The following ARHGAP9 variants were observed in gnomAD, a reference collection of about 807,000 sequenced individuals.
ARHGAP9 encodes the protein Rho GTPase activating protein 9.
In ARHGAP9, 76 loss-of-function variants were observed where a neutral mutation model predicts 87.3. That is an observed-to-expected ratio of 0.87 (90% CI 0.72 to 1.05). ARHGAP9 has a LOEUF of 1.05. ARHGAP9 is among the 50% of genes least tolerant of loss of function. ARHGAP9 has a pLI of 0.00. For missense variants in ARHGAP9, 941 were observed against 960.5 expected (o/e 0.98, Z 0.27); for synonymous variants, 382 against 394.9 (o/e 0.97, Z 0.39).
rs775297396 is a variant in ARHGAP9, at chr12:57,476,369, C to T, written c.1111G>A (p.Gly371Ser). The change falls in exon 8 of 18, where the codon GGC (glycine) becomes AGC (serine). Residue 371 changes from glycine (G) to serine (S), a missense_variant. Transcript: ENST00000393791. Reference protein sequence around the residue: ...REPPPTAPSSGWGPAGSRPES... With the variant: ...REPPPTAPSSSWGPAGSRPES... ...CGCCTCTCGCTCACACTCACCCAGCCTGAGGAGGGCGCTGTCGGCGGTGGC... is the reference window on the plus strand; with the variant it reads ...CGCCTCTCGCTCACACTCACCCAGCTTGAGGAGGGCGCTGTCGGCGGTGGC... The T allele has an allele frequency of 6.2e-7, 1 of 1,613,912 alleles. No homozygotes were observed. The highest frequency in any genetic ancestry group is 1.1e-5 in the South Asian group (1 of 91,080).
At position 57,475,936 on chromosome 12, in the gene ARHGAP9, G is replaced by C. The variant is rs759180937; in HGVS notation, c.1213-5C>G. The C allele has an allele frequency of 1.2e-6, 2 of 1,611,368 alleles. No individual in the cohort carries two copies. The highest frequency in any genetic ancestry group is 1.1e-5 in the South Asian group (1 of 90,848). On this transcript the variant is annotated splice_region_variant and splice_polypyrimidine_tract_variant and intron_variant, in intron 9 of 17. Transcript: ENST00000393791. ...GTGGCCAGGGATCGTGCGGATCTGA[G>C]GGCCAGGCAAGGAAACGCTCGGGTC...
rs1874694779 is a variant in ARHGAP9 at position 57,479,191 on chromosome 12, G to C, written c.216C>G (p.Thr72=). 6.2e-7 allele frequency: 1 copy of C among 1,614,218 alleles called. No homozygotes were observed. Among genetic ancestry groups the C allele is most frequent in the Non-Finnish European group, 8.5e-7 (1 of 1,180,040 alleles). Residue 72 remains threonine, a synonymous_variant, in exon 2 of 18, where the codon ACC becomes ACG. Transcript: ENST00000393791. ...WLARRLEAPS[T]SRPIFVPAAY... is the part of the protein sequence containing the mutation. ...CTGCTGGGACGAAGATGGGTCGAGA[G>C]GTGGAGGGAGCTTCTAGGCGTCTTG...
intron 14 of ARHGAP9, 43 bp downstream of exon 14, chr12:57,474,583 C>T: frequency 6.2e-7 from 1 of 1,613,706 alleles, no homozygotes; most frequent in Non-Finnish European, 8.5e-7. Flanking sequence ...GGTTCTCAGG[C>T]AAGACATTCT....
rs775383785 is a variant in ARHGAP9, at chr12:57,472,657, T to C, written c.2056A>G (p.Thr686Ala). The change falls in exon 18 of 18, where the codon ACA (threonine) becomes GCA (alanine). Residue 686 changes from threonine to alanine, a missense_variant. By Grantham distance (58) the Thr-to-Ala change is moderately conservative (BLOSUM62 0). Transcript: ENST00000393791. ...AACACAATTCCCAGGTTGTGGGGTG[T>C]CATGCGATTCTTATCTGAGTGTGCT... ...VIAHSDKNRM[T>A]PHNLGIVFGP... 1 of 1,614,194 alleles carries C rather than the reference T, an allele frequency of 6.2e-7. No individual in the cohort carries two copies. Among genetic ancestry groups the C allele is most frequent in the Admixed American group, 1.7e-5 (1 of 60,026 alleles).
At position 57,479,511 on chromosome 12, in the gene ARHGAP9, G is replaced by T. The variant is rs960120442; in HGVS notation, c.-18-87C>A. ...CAGACATGGTTCTAGGAGCAGTGTT[G>T]CAGGGAGGTGAGGACGGGAGCCCTT... On this transcript the variant is annotated intron_variant, in intron 1 of 17. Transcript: ENST00000393791. 4.6e-6 allele frequency: 7 copies of T among 1,508,352 alleles called. No homozygotes were observed. The East Asian group carries it at 7.2e-5, about 16-fold the overall frequency. The allele number at this position is 1,508,352 out of a possible 1,614,324, so 93.4% of individuals were successfully genotyped here.
At chr12:57,472,744 A>G in intron 17 of ARHGAP9, 56 bp from the exon 18 acceptor site, 1 of 1,573,724 alleles carries the variant, frequency 6.4e-7, no homozygotes, top group Non-Finnish European at 8.7e-7. Context: ...ACTTCATAGC[A>G]ATCTAACTAA....
chr12:57,477,129 G>A (rs373680821), intron 5 of ARHGAP9, 27 bp downstream of exon 5: 20 of 1,609,686 alleles, frequency 1.2e-5, no homozygotes, highest in African/African-American at 4.0e-5. Flanking sequence ...TTTTCTGCAT[G>A]TGACTGGGAG....
chr12:57,478,298 C>T (rs887692493), intron 3 of ARHGAP9: 25 of 516,906 alleles, frequency 4.8e-5, no homozygotes, highest in African/African-American at 1.7e-4. Context: ...GTTTGCCTCT[C>T]GGCTGCCTCT....
In ARHGAP9 at chr12:57,477,485, G is replaced by A. The variant is rs1451254009; in HGVS notation, c.730C>T (p.Pro244Ser). ...GTCTCGCTGCGACTGCGGCGCGGGG[G>A]CTTCCAGGACTTGCAGCCAGTCAGT... is the stretch of plus-strand genomic sequence containing the variant. ...NSLTGCKSWKPPRRSRSETNP... is the reference protein window; with the variant it reads ...NSLTGCKSWKSPRRSRSETNP... Residue 244 changes from proline (P) to serine (S), a missense_variant, in exon 4 of 18, where the codon CCC becomes TCC. Coordinates refer to ENST00000393791, the MANE Select transcript of ARHGAP9 (RefSeq NM_032496.4). 6.2e-7 allele frequency: 1 copy of A among 1,614,102 alleles called. No individual in the cohort carries two copies. The highest frequency in any genetic ancestry group is 1.7e-5 in the Admixed American group (1 of 60,004).
upstream of ARHGAP9, chr12:57,479,877 ATG>A: frequency 1.4e-6 from 2 of 1,462,528 alleles, no homozygotes; most frequent in Non-Finnish European, 9.0e-7. Context: ...AAAGACAAAA[ATG>A]TGTGTTATTC....
Position 57,472,422 on chromosome 12 carries a change from T to A in ARHGAP9, c.*95A>T. 1 of 1,406,158 alleles carries A rather than the reference T, an allele frequency of 7.1e-7. No homozygotes were observed. Among genetic ancestry groups the A allele is most frequent in the Non-Finnish European group, 9.5e-7 (1 of 1,051,632 alleles). The allele number at this position is 1,406,158 out of a possible 1,614,324, so 87.1% of individuals were successfully genotyped here. A position where few individuals can be genotyped will look rare whatever the true frequency, so the allele number is the denominator to read the frequency against. ...ACACTCATGAAGATAGAGACAGTCA[T>A]TTGGGAGATTTAAAGGGATATCCTC... On this transcript the variant is annotated 3_prime_UTR_variant, in exon 18 of 18. Transcript: ENST00000393791.
At position 57,477,273 on chromosome 12, in the gene ARHGAP9, G is replaced by T; in HGVS notation, c.757-4C>A. On this transcript the variant is annotated splice_region_variant and splice_polypyrimidine_tract_variant and intron_variant, in intron 4 of 17. Coordinates refer to ENST00000393791, the MANE Select transcript of ARHGAP9 (RefSeq NM_032496.4). ...TCCCCTCCATGGAGCCAGGGTTCTGGGTTAGGGGAGGAGGAAATAAAGCTA... is the reference window on the plus strand; with the variant it reads ...TCCCCTCCATGGAGCCAGGGTTCTGTGTTAGGGGAGGAGGAAATAAAGCTA... The T allele has an allele frequency of 1.3e-6, 2 of 1,555,038 alleles. No homozygotes were observed. Among genetic ancestry groups the T allele is most frequent in the Non-Finnish European group, 1.7e-6 (2 of 1,150,946 alleles).
intron 1 of ARHGAP9, among the ~76,000 whole-genome samples, chr12:57,486,274 AT>A (rs560380333): frequency 8.8e-4 from 129 of 145,898 alleles, no homozygotes; most frequent in Middle Eastern, 7.2e-3. Context: ...TTGAATCTCA[AT>A]TTTTTTTTTT....
intron 3 of ARHGAP9, 77 bp from the exon 4 acceptor site, chr12:57,477,757 C>T (rs1250935304): frequency 2.6e-6 from 4 of 1,561,718 alleles, no homozygotes; most frequent in Non-Finnish European, 2.6e-6. Context: ...CTTCCCACCT[C>T]CTGCTCCCTC....
chr12:57,488,782 C>T (rs1476716027), exon 1 of ARHGAP9: 7 of 933,414 alleles, frequency 7.5e-6, no homozygotes, highest in Admixed American at 2.1e-5. Flanking sequence ...AATACCACCA[C>T]CTCCTCTGCA....
chr12:57,474,912 G>T lies in ARHGAP9; in HGVS notation c.1614C>A (p.Ser538Arg). 6.2e-7 allele frequency: 1 copy of T among 1,614,178 alleles called. No individual in the cohort carries two copies. Among genetic ancestry groups the T allele is most frequent in the Non-Finnish European group, 8.5e-7 (1 of 1,180,040 alleles). Residue 538 changes from serine (S) to arginine (R), a missense_variant, in exon 13 of 18, where the codon AGC (serine) becomes AGA (arginine). Ser to Arg is a moderately radical substitution (Grantham distance 110, BLOSUM62 -1). Transcript: ENST00000393791. ...CAGCAGCAATGCAGAGCCGCAAAAAGCTGGGCACCGTGTCTCCTTCCCGCT... is the reference window on the plus strand; with the variant it reads ...CAGCAGCAATGCAGAGCCGCAAAAATCTGGGCACCGTGTCTCCTTCCCGCT... ...LCQREGDTVP[S>R]FLRLCIAAVD... is the part of the protein sequence containing the mutation.
At chr12:57,477,322 C>T in intron 4 of ARHGAP9, 53 bp from the exon 5 acceptor site, 3 of 1,510,118 alleles carry the variant, frequency 2.0e-6, no homozygotes, top group Non-Finnish European at 2.7e-6. Flanking sequence ...CCTCTACCCA[C>T]TCTCCACACC....
In ARHGAP9 at chr12:57,476,372, A is replaced by C. The variant is rs11544238; in HGVS notation, c.1108T>G (p.Ser370Ala). 0.58 allele frequency: 941,193 copies of C among 1,613,282 alleles called. 286,440 individuals are homozygous for C. Among genetic ancestry groups the C allele is most frequent in the Middle Eastern group, 0.66 (3,975 of 6,042 alleles). The change falls in exon 8 of 18, where the codon TCA becomes GCA. Residue 370 changes from serine to alanine, a missense_variant. Coordinates refer to ENST00000393791, the MANE Select transcript of ARHGAP9 (RefSeq NM_032496.4). ...YREPPPTAPS[S>A]GWGPAGSRPE... ...CTCTCGCTCACACTCACCCAGCCTG[A>C]GGAGGGCGCTGTCGGCGGTGGCTCT... is the stretch of plus-strand genomic sequence containing the variant.
upstream of ARHGAP9, among the ~76,000 whole-genome samples, chr12:57,484,351 C>A (rs77849016): frequency 1.9e-3 from 258 of 137,418 alleles, no homozygotes; most frequent in Non-Finnish European, 2.4e-3. Flanking sequence ...GACTCTGTCT[C>A]AAAAAAAAAA....
Sources: gnomAD v4.1 joint callset for allele counts (sites outside exome capture counted in the v4.1 genomes callset) on GRCh38, gnomAD v4.1.1 for gene constraint, MANE v1.5 for transcripts, NCBI Gene and HGNC (gene_info 2026-07-23, HGNC 2026-07-21) for gene names.